The following ZNF592 variants were observed in gnomAD, a reference collection of about 807,000 sequenced individuals.
The protein encoded by ZNF592 is spinocerebellar ataxia, autosomal recessive 5.
ZNF592 carries 11 observed loss-of-function variants against 80.3 expected under a neutral mutation model. The ratio of observed to expected loss-of-function variants is 0.14; its 90% CI spans 0.09 to 0.23. The LOEUF (loss-of-function observed/expected upper bound fraction) is 0.23, where lower values mean the gene tolerates loss of function less well. ZNF592 is among the 10% of genes least tolerant of loss of function. The pLI is 1.00. For missense variants in ZNF592, 1,420 were observed against 1,633.9 expected, an observed-to-expected ratio of 0.87 and a Z score of 2.26; for synonymous variants, 646 against 640.3, an observed-to-expected ratio of 1.01 and a Z score of -0.13.
At chr15:84,796,295 A>ATATATATATATATATATATAT (rs1567076451) in intron 5 of ZNF592, among the ~76,000 whole-genome samples, 4 of 45,526 alleles carry the variant, frequency 8.8e-5, no homozygotes, top group Admixed American at 2.7e-4. Flanking sequence ...ATATATATAT[A>ATATATATATATATATATATAT]AAAAAACGAA....
At chr15:84,781,118 T>C (rs891341471) in intron 3 of ZNF592, among the ~76,000 whole-genome samples, 8 of 152,096 alleles carry the variant, frequency 5.3e-5, no homozygotes, top group Non-Finnish European at 1.0e-4. Context: ...GTGCGATCTC[T>C]ACTCATGGCA....
At chr15:84,762,923 T>C (rs144893369) in intron 1 of ZNF592, among the ~76,000 whole-genome samples, 18 of 152,360 alleles carry the variant, frequency 1.2e-4, no homozygotes, top group African/African-American at 4.1e-4. Context: ...GAAGCTCTAA[T>C]CTAGAACAGT....
rs151109929 is a variant in ZNF592, at chr15:84,749,415, G to A, written c.-259+751G>A. On this transcript the variant is annotated intron_variant, in intron 1 of 10. Transcript: ENST00000560079. ...GGGGGAGGGGTCCGTATGACCTTAGGTATGCCTGCTCCTGAGTACTGCAGG... is the reference window on the plus strand; with the variant it reads ...GGGGGAGGGGTCCGTATGACCTTAGATATGCCTGCTCCTGAGTACTGCAGG... 4.9e-3 allele frequency among the ~76,000 whole-genome samples: 751 copies of A among 152,284 alleles called. 7 individuals are homozygous for A. Among genetic ancestry groups the A allele is most frequent in the African/African-American group, 0.013 (551 of 41,554 alleles).
intron 3 of ZNF592, 119 bp from the exon 4 acceptor site, chr15:84,782,538 G>A: frequency 1.1e-6 from 1 of 951,690 alleles, no homozygotes; most frequent in Non-Finnish European, 1.7e-6. Context: ...TCCTGTCATA[G>A]TATGTGGGGT....
intron 5 of ZNF592, among the ~76,000 whole-genome samples, chr15:84,796,267 TTATATATA>T (rs1165913540): frequency 2.3e-5 from 1 of 44,252 alleles, no homozygotes; most frequent in Non-Finnish European, 3.4e-5. Flanking sequence ...TATATATATT[TTATATATA>T]TATATATATA....
Position 84,803,873 on chromosome 15 carries a change from T to C in ZNF592, c.*1480T>C, listed in dbSNP as rs1165081946. 6.6e-6 allele frequency: 1 copy of C among 152,224 alleles called. No individual in the cohort carries two copies. The highest frequency in any genetic ancestry group is 1.5e-5 in the Non-Finnish European group (1 of 68,086). 9.4% of individuals were successfully genotyped at this position (152,224 alleles called of 1,614,324 possible). ...GGTGTCGTCTGACCTCTAACCCAGG[T>C]GGCATGGGGTTGCGCCCAGCAGGAT... On this transcript the variant is annotated 3_prime_UTR_variant, in exon 11 of 11. Coordinates refer to ENST00000560079, the MANE Select transcript of ZNF592 (RefSeq NM_014630.3).
chr15:84,798,433 C>G lies in ZNF592; in HGVS notation c.2695C>G (p.Leu899Val), dbSNP rs764654121. 6 of 1,614,012 alleles carry G rather than the reference C, an allele frequency of 3.7e-6. No homozygotes were observed. The highest frequency in any genetic ancestry group is 4.5e-5 in the East Asian group (2 of 44,894). The part of the protein sequence containing the change: ...VGVFKCPECP[L>V]LFVQKPELMQ... ...CGTCTTCAAGTGCCCTGAGTGCCCA[C>G]TCTTGTTCGTGCAGAAGCCGGAGTT... The change falls in exon 7 of 11, where the codon CTC (leucine) becomes GTC (valine). Residue 899 changes from leucine (L) to valine (V), a missense_variant. Around this residue, in one of 7 missense-constraint regions of ZNF592, gnomAD observed 331 missense variants for 347.0 expected, o/e 0.95. Transcript: ENST00000560079. The surrounding 1 kb of genome is among the most constrained non-coding windows in gnomAD (Gnocchi z 4.5).
intron 4 of ZNF592, among the ~76,000 whole-genome samples, chr15:84,788,562 TGTG>T (rs983896716): frequency 5.9e-5 from 9 of 152,200 alleles, no homozygotes; most frequent in African/African-American, 2.2e-4. Flanking sequence ...TTTTAAAAAT[TGTG>T]GTAAAATACA....
At chr15:84,781,566 G>T (rs147430960) in intron 3 of ZNF592, among the ~76,000 whole-genome samples, 20 of 152,192 alleles carry the variant, frequency 1.3e-4, no homozygotes, top group Admixed American at 3.3e-4. Context: ...CACTTTTCTG[G>T]TTCTATGAAG....
chr15:84,795,534 T>C (rs1962870193), intron 5 of ZNF592, among the ~76,000 whole-genome samples: 1 of 152,270 alleles, frequency 6.6e-6, no homozygotes, highest in Admixed American at 6.5e-5. Flanking sequence ...GTATTTCTAC[T>C]ATTTCTGCAG....
intron 1 of ZNF592, chr15:84,753,410 A>G (rs1284857804): frequency 6.6e-6 from 1 of 152,236 alleles, no homozygotes; most frequent in Non-Finnish European, 1.5e-5. Flanking sequence ...GGAGACAGAA[A>G]AGAAAACAAT....
At chr15:84,767,327 A>G (rs770088717) in intron 2 of ZNF592, among the ~76,000 whole-genome samples, 2 of 152,088 alleles carry the variant, frequency 1.3e-5, no homozygotes, top group Non-Finnish European at 2.9e-5. Context: ...TACCCGGCCA[A>G]CACTGTTTTC....
intron 1 of ZNF592, among the ~76,000 whole-genome samples, chr15:84,757,191 A>C (rs1160694598): frequency 6.6e-6 from 1 of 152,256 alleles, no homozygotes; most frequent in South Asian, 2.1e-4. Context: ...CCTGGCTTCA[A>C]ATAATCCTTC....
rs1464009247 is a variant in ZNF592 at position 84,784,057 on chromosome 15, C to T, written c.1382C>T (p.Pro461Leu). ...SMTKASDSSS[P>L]SCSSGPRVPK... The stretch of plus-strand genomic sequence containing the variant: ...ACAAAGGCCAGTGACTCGTCATCTC[C>T]CAGCTGCAGTTCTGGGCCCCGGGTC... The change falls in exon 4 of 11, where the codon CCC becomes CTC. Residue 461 changes from proline (P) to leucine (L), a missense_variant. Transcript: ENST00000560079. This position sits in a 1 kb window ranked among gnomAD's most constrained non-coding sequence, Gnocchi z 5.8. 1.2e-6 allele frequency: 2 copies of T among 1,613,388 alleles called. No individual in the cohort carries two copies. The highest frequency in any genetic ancestry group is 4.5e-5 in the East Asian group (2 of 44,846).
chr15:84,774,113 C>G (rs1003889112), intron 2 of ZNF592, among the ~76,000 whole-genome samples: 1 of 152,228 alleles, frequency 6.6e-6, no homozygotes, highest in African/African-American at 2.4e-5. Flanking sequence ...TGTTCCTTCA[C>G]ATTTGCCTTC....
intron 2 of ZNF592, among the ~76,000 whole-genome samples, chr15:84,777,222 A>G (rs1461240219): frequency 1.3e-5 from 2 of 152,082 alleles, no homozygotes; most frequent in African/African-American, 2.4e-5. Flanking sequence ...CACGCCTGTA[A>G]TCCCAGCACT....
chr15:84,758,578 C>T (rs1044385145), intron 1 of ZNF592, among the ~76,000 whole-genome samples: 1 of 152,100 alleles, frequency 6.6e-6, no homozygotes, highest in Non-Finnish European at 1.5e-5. Context: ...GCCATGGCGC[C>T]TGGCCTATTA....
intron 2 of ZNF592, among the ~76,000 whole-genome samples, chr15:84,776,487 GGCTCATGCCTGTAACCCCA>G (rs747830064): frequency 6.6e-6 from 1 of 152,234 alleles, no homozygotes; most frequent in Non-Finnish European, 1.5e-5. Context: ...TGGGTGCAGT[GGCTCATGCCTGTAACCCCA>G]GCACTTTGGG....
intron 5 of ZNF592, among the ~76,000 whole-genome samples, chr15:84,797,070 T>G (rs1372357017): frequency 3.9e-5 from 6 of 152,116 alleles, no homozygotes; most frequent in Non-Finnish European, 8.8e-5. Flanking sequence ...TTCAAGCAAT[T>G]CTGCCTCAGC....
Sources: gnomAD v4.1 joint callset for allele counts (sites outside exome capture counted in the v4.1 genomes callset) on GRCh38, gnomAD v4.1.1 for gene constraint, gnomAD v4.1.1 regional missense constraint, Gnocchi (gnomAD v3.1) non-coding constraint, MANE v1.5 for transcripts, NCBI Gene and HGNC (gene_info 2026-07-23, HGNC 2026-07-21) for gene names.